RNF6: variants seen among roughly 807,000 people sequenced by gnomAD.
RNF6 encodes ring finger protein 6, also known as E3 ubiquitin-protein ligase RNF6.
A neutral mutation model predicts 50.1 loss-of-function variants in RNF6; 21 were observed. The ratio of observed to expected loss-of-function variants is 0.42; its 90% CI spans 0.30 to 0.60. The LOEUF (loss-of-function observed/expected upper bound fraction) is 0.60. Among genes scored for constraint, RNF6 ranks in the 20% least tolerant of loss-of-function variants. RNF6 has a pLI of 0.20. For synonymous variants in RNF6, 255 were observed against 291.8 expected, an observed-to-expected ratio of 0.87 and a Z score of 1.29; for missense variants, 698 against 838.2, an observed-to-expected ratio of 0.83 and a Z score of 2.07.
At chr13:26,142,699 G>A (rs908945289) in intron 5 of RNF6, among the ~76,000 whole-genome samples, 6 of 152,220 alleles carry the variant, frequency 3.9e-5, no homozygotes, top group East Asian at 3.9e-4. Flanking sequence ...AGATGGGAAC[G>A]ATAGACATGG....
At chr13:26,189,619 G>C (rs1229872018) in intron 5 of RNF6, among the ~76,000 whole-genome samples, 5 of 152,216 alleles carry the variant, frequency 3.3e-5, no homozygotes, top group Non-Finnish European at 7.3e-5. Flanking sequence ...ACAGAATCCA[G>C]AGGGGTAGAA....
At chr13:26,192,737 C>T (rs911425247) in intron 5 of RNF6, among the ~76,000 whole-genome samples, 9 of 152,290 alleles carry the variant, frequency 5.9e-5, no homozygotes, top group African/African-American at 2.2e-4. Flanking sequence ...CAACAGCCCT[C>T]AAGGAGCTGA....
intron 5 of RNF6, among the ~76,000 whole-genome samples, chr13:26,184,792 G>A (rs958376285): frequency 2.6e-5 from 4 of 152,084 alleles, no homozygotes; most frequent in African/African-American, 9.7e-5. Context: ...TAGATTGAAT[G>A]CTAAGCATAC....
At chr13:26,184,854 C>G (rs1873442362) in intron 5 of RNF6, among the ~76,000 whole-genome samples, 1 of 152,158 alleles carries the variant, frequency 6.6e-6, no homozygotes. Flanking sequence ...AGAAGGCAGG[C>G]GATCCAAAGC....
At chr13:26,155,059 C>G (rs962754325) in intron 5 of RNF6, among the ~76,000 whole-genome samples, 1 of 151,278 alleles carries the variant, frequency 6.6e-6, no homozygotes, top group African/African-American at 2.4e-5. Flanking sequence ...AAAAAAACTC[C>G]TAATCAACCT....
At chr13:26,187,963 G>A (rs2057566) in intron 5 of RNF6, among the ~76,000 whole-genome samples, 5,764 of 152,332 alleles carry the variant, frequency 0.038, 154 homozygotes, top group Middle Eastern at 0.065. Context: ...AATAGAACTA[G>A]AAGTCAACAA....
chr13:26,216,682 C>T (rs766885640), intron 4 of RNF6, among the ~76,000 whole-genome samples: 3 of 152,144 alleles, frequency 2.0e-5, no homozygotes, highest in Non-Finnish European at 2.9e-5. Context: ...AGGCCGGGCG[C>T]GGTGGCTCAC....
intron 5 of RNF6, among the ~76,000 whole-genome samples, chr13:26,153,636 T>C (rs1334470436): frequency 1.3e-5 from 2 of 152,158 alleles, no homozygotes; most frequent in Non-Finnish European, 1.5e-5. Context: ...ATAACAGAAA[T>C]AAGGTTGAAC....
chr13:26,148,635 TATATA>T (rs1871383820), intron 5 of RNF6, among the ~76,000 whole-genome samples: 1 of 76,982 alleles, frequency 1.3e-5, no homozygotes, highest in African/African-American at 4.1e-5. Context: ...AATCTCTTTA[TATATA>T]TATATATATA....
intron 5 of RNF6, among the ~76,000 whole-genome samples, chr13:26,204,291 T>C (rs1869010747): frequency 6.6e-6 from 1 of 150,766 alleles, no homozygotes; most frequent in African/African-American, 2.4e-5. Context: ...AGGTCAGGAG[T>C]TCGAGACCAG....
chr13:26,203,496 CGACT>C (rs918054137), intron 5 of RNF6, among the ~76,000 whole-genome samples: 3 of 152,236 alleles, frequency 2.0e-5, no homozygotes, highest in Admixed American at 6.5e-5. Flanking sequence ...GTGAGAAGCA[CGACT>C]GACTGAGAGC....
downstream of RNF6, among the ~76,000 whole-genome samples, chr13:26,208,300 T>C (rs1869188872): frequency 6.6e-6 from 1 of 152,150 alleles, no homozygotes; most frequent in African/African-American, 2.4e-5. Flanking sequence ...AGTCTGAAAT[T>C]TTGGTATGTG....
chr13:26,203,960 C>CAAAA, intron 5 of RNF6, among the ~76,000 whole-genome samples: 1 of 148,600 alleles, frequency 6.7e-6, no homozygotes, highest in Non-Finnish European at 1.5e-5. Flanking sequence ...CTCAAACAAA[C>CAAAA]AAACAAACAA....
rs1870591702 is a variant in RNF6 at position 26,222,232 on chromosome 13, A to T, written c.-331T>A. ...CTCGGGAGGAAGAACGGCAGGCCCC[A>T]GCCCTTCTTTCCCGACAGCCACGCC... On this transcript the variant is annotated 5_prime_UTR_variant, in exon 1 of 5. Transcript: ENST00000381588. 6.6e-6 allele frequency: 1 copy of T among 152,380 alleles called. No homozygotes were observed. The highest frequency in any genetic ancestry group is 2.1e-4 in the South Asian group (1 of 4,836). 9.4% of individuals were successfully genotyped at this position (152,380 alleles called of 1,614,324 possible).
At chr13:26,172,963 T>C (rs1872773578) in intron 5 of RNF6, among the ~76,000 whole-genome samples, 1 of 151,964 alleles carries the variant, frequency 6.6e-6, no homozygotes, top group South Asian at 2.1e-4. Context: ...GAGCAAAATA[T>C]ATCAACAAAA....
At chr13:26,132,426 G>C in exon 6 of RNF6, 1 of 460,238 alleles carries the variant, frequency 2.2e-6, no homozygotes, top group Non-Finnish European at 4.4e-6. Flanking sequence ...TTTTCTGGTA[G>C]CACTTCAGCT....
chr13:26,216,249 T>C (rs1418312606), intron 4 of RNF6, among the ~76,000 whole-genome samples: 2 of 152,206 alleles, frequency 1.3e-5, no homozygotes, highest in Admixed American at 6.5e-5. Flanking sequence ...ATCAATCTCA[T>C]AGGGTTATCC....
At chr13:26,148,198 C>T (rs1871352579) in intron 5 of RNF6, among the ~76,000 whole-genome samples, 1 of 152,108 alleles carries the variant, frequency 6.6e-6, no homozygotes, top group South Asian at 2.1e-4. Context: ...CTCCTGAGAA[C>T]TCACTCACTA....
chr13:26,184,972 G>A (rs530258480), intron 5 of RNF6, among the ~76,000 whole-genome samples: 2 of 151,048 alleles, frequency 1.3e-5, no homozygotes, highest in South Asian at 4.2e-4. Context: ...GAACTTGTAG[G>A]TATTGTTATC....
Sources: allele counts gnomAD v4.1 joint callset (sites outside exome capture counted in the v4.1 genomes callset), GRCh38; gene constraint gnomAD v4.1.1; transcripts MANE v1.5; gene names NCBI Gene and HGNC (gene_info 2026-07-23, HGNC 2026-07-21).